The following FGF12 variants were observed in gnomAD, a reference collection of about 807,000 sequenced individuals.
FGF12 encodes the protein fibroblast growth factor 12B.
FGF12 carries 14 observed loss-of-function variants against 23.6 expected under a neutral mutation model. That is an observed-to-expected ratio of 0.59 (90% CI 0.39 to 0.93). FGF12 has a LOEUF of 0.93. FGF12 is among the 40% of genes least tolerant of loss of function. The probability of loss-of-function intolerance (pLI) is 0.00; values close to 1 mark genes in which losing one functional copy is unlikely to be tolerated. For missense variants in FGF12, 175 were observed against 217.8 expected (o/e 0.80, Z 1.24); for synonymous variants, 62 against 77.3 (o/e 0.80, Z 1.04).
At chr3:192,478,546 T>C (rs1213147712) in intron 2 of FGF12, among the ~76,000 whole-genome samples, 3 of 152,142 alleles carry the variant, frequency 2.0e-5, no homozygotes, top group Non-Finnish European at 4.4e-5. Context: ...ATATCTAAGA[T>C]TCTTGATCAT....
chr3:192,244,942 T>G (rs920828649), intron 4 of FGF12: 1 of 152,240 alleles, frequency 6.6e-6, no homozygotes, highest in African/African-American at 2.4e-5. Context: ...CTCCCAAGCA[T>G]GCAATTAACT....
At chr3:192,613,565 C>T (rs1045195419) in intron 2 of FGF12, among the ~76,000 whole-genome samples, 4 of 151,804 alleles carry the variant, frequency 2.6e-5, no homozygotes, top group African/African-American at 9.7e-5. Flanking sequence ...GGAACAAATG[C>T]TATTTGACCT....
chr3:192,427,061 C>A (rs1049540226), intron 2 of FGF12, among the ~76,000 whole-genome samples: 1 of 151,964 alleles, frequency 6.6e-6, no homozygotes, highest in Non-Finnish European at 1.5e-5. Context: ...TGGGACTTTT[C>A]AATAACGTTT....
chr3:192,620,250 G>A (rs533663202), intron 2 of FGF12, among the ~76,000 whole-genome samples: 706 of 68,474 alleles, frequency 0.01, 7 homozygotes, highest in African/African-American at 0.081. Flanking sequence ...ACGCGCGCGC[G>A]CGCGCACGCA....
intron 4 of FGF12, among the ~76,000 whole-genome samples, chr3:192,171,886 C>G (rs1453982916): frequency 6.6e-6 from 1 of 151,656 alleles, no homozygotes; most frequent in African/African-American, 2.4e-5. Context: ...CTCTCTCTCT[C>G]TCTTTCTCTC....
At chr3:192,681,406 G>A (rs1717521644) in intron 2 of FGF12, among the ~76,000 whole-genome samples, 1 of 152,182 alleles carries the variant, frequency 6.6e-6, no homozygotes, top group East Asian at 1.9e-4. Flanking sequence ...AAGACAAAGA[G>A]CTCAGCTGGA....
intron 4 of FGF12, among the ~76,000 whole-genome samples, chr3:192,268,953 C>T (rs991409852): frequency 1.3e-5 from 2 of 151,950 alleles, no homozygotes; most frequent in Admixed American, 6.6e-5. Flanking sequence ...CTCACTCTGT[C>T]ACCCAGGCTG....
At chr3:192,624,139 C>T (rs2108650137) in intron 2 of FGF12, among the ~76,000 whole-genome samples, 1 of 151,626 alleles carries the variant, frequency 6.6e-6, no homozygotes, top group South Asian at 2.1e-4. Flanking sequence ...TAATACTTTC[C>T]ATAGAAATAT....
chr3:192,516,237 G>A (rs1483405632), intron 2 of FGF12, among the ~76,000 whole-genome samples: 2 of 152,154 alleles, frequency 1.3e-5, no homozygotes, highest in Non-Finnish European at 2.9e-5. Context: ...TTCACTTTCC[G>A]ATGAATGCCA....
intron 2 of FGF12, among the ~76,000 whole-genome samples, chr3:192,375,731 AT>A (rs1719461738): frequency 1.3e-5 from 2 of 151,482 alleles, no homozygotes; most frequent in Admixed American, 6.6e-5. Context: ...AAGTGTAAAA[AT>A]GTCTCAGTGT....
chr3:192,387,683 CAAAAAAAATACAA>C (rs1457932659), intron 2 of FGF12, among the ~76,000 whole-genome samples: 3 of 144,966 alleles, frequency 2.1e-5, no homozygotes, highest in Admixed American at 6.9e-5. Flanking sequence ...CCCATCTCTA[CAAAAAAAATACAA>C]AAAAAAAATA....
At chr3:192,632,414 T>C (rs1039126535) in intron 2 of FGF12, among the ~76,000 whole-genome samples, 6 of 152,184 alleles carry the variant, frequency 3.9e-5, no homozygotes, top group Non-Finnish European at 7.4e-5. Flanking sequence ...ACTCACTTTT[T>C]CCCCCAGTAA....
chr3:192,282,632 T>G (rs1714212751), intron 4 of FGF12, among the ~76,000 whole-genome samples: 1 of 152,152 alleles, frequency 6.6e-6, no homozygotes, highest in Non-Finnish European at 1.5e-5. Context: ...TAGGCCTTTA[T>G]GCCTACAGAT....
At chr3:192,366,632 A>G (rs1487394117) in intron 2 of FGF12, among the ~76,000 whole-genome samples, 2 of 152,212 alleles carry the variant, frequency 1.3e-5, no homozygotes, top group African/African-American at 4.8e-5. Context: ...GCCACTCCCT[A>G]GTACTGTTCA....
chr3:192,331,035 T>C (rs1717088773), intron 4 of FGF12, among the ~76,000 whole-genome samples: 1 of 151,716 alleles, frequency 6.6e-6, no homozygotes, highest in African/African-American at 2.4e-5. Context: ...ACAACTCAAT[T>C]AAAAAGTAGG....
At chr3:192,553,699 A>G (rs541651756) in intron 2 of FGF12, among the ~76,000 whole-genome samples, 6 of 151,834 alleles carry the variant, frequency 4.0e-5, no homozygotes, top group East Asian at 1.9e-4. Flanking sequence ...AGTCCCCCCA[A>G]CCCCCGGCTC....
intron 4 of FGF12, among the ~76,000 whole-genome samples, chr3:192,273,542 G>A (rs755612519): frequency 9.9e-5 from 15 of 152,060 alleles, no homozygotes; most frequent in Non-Finnish European, 1.6e-4. Flanking sequence ...GAGGAGTCAC[G>A]CAGCATCTCT....
intron 2 of FGF12, among the ~76,000 whole-genome samples, chr3:192,685,602 G>A (rs1193053049): frequency 6.6e-6 from 1 of 152,136 alleles, no homozygotes; most frequent in Non-Finnish European, 1.5e-5. Flanking sequence ...TCAGACAAGG[G>A]GAAAGGTAGG....
intron 5 of FGF12, among the ~76,000 whole-genome samples, chr3:192,152,142 T>G: frequency 1.1e-5 from 1 of 94,110 alleles, no homozygotes; most frequent in Non-Finnish European, 2.2e-5. Flanking sequence ...TAGTTTGTAT[T>G]TCTGTGGGAT....
Sources: allele counts gnomAD v4.1 joint callset (sites outside exome capture counted in the v4.1 genomes callset), GRCh38; gene constraint gnomAD v4.1.1; transcripts MANE v1.5; gene names NCBI Gene and HGNC (gene_info 2026-07-23, HGNC 2026-07-21).